Variants in FAM228B observed in about 807,000 individuals in gnomAD.
FAM228B encodes family with sequence similarity 228 member B.
FAM228B carries 38 observed loss-of-function variants against 42.6 expected under a neutral mutation model. The ratio of observed to expected loss-of-function variants is 0.89; its 90% CI spans 0.69 to 1.17. The LOEUF is 1.17. Among genes scored for constraint, FAM228B ranks in the 50% most tolerant of loss-of-function variants. FAM228B has a pLI of 0.00. For synonymous variants in FAM228B, 109 were observed against 122.3 expected (o/e 0.89, Z 0.72); for missense variants, 344 against 367.3 (o/e 0.94, Z 0.52).
upstream of FAM228B, among the ~76,000 whole-genome samples, chr2:24,120,758 T>C (rs1666086399): frequency 6.6e-6 from 1 of 152,138 alleles, no homozygotes; most frequent in Non-Finnish European, 1.5e-5. Context: ...TTTCACCATG[T>C]TAGCTAGGCT....
At chr2:24,119,368 G>C (rs1207397904), upstream of FAM228B, among the ~76,000 whole-genome samples, 1 of 152,224 alleles carries the variant, frequency 6.6e-6, no homozygotes, top group African/African-American at 2.4e-5. Context: ...AGTCAAGACA[G>C]AATCCTAGCA....
At chr2:24,107,844 C>T (rs919257920) in intron 3 of FAM228B, among the ~76,000 whole-genome samples, 4 of 152,092 alleles carry the variant, frequency 2.6e-5, no homozygotes, top group Non-Finnish European at 5.9e-5. Context: ...AATTAACAAC[C>T]TAATATTACA....
intron 1 of FAM228B, among the ~76,000 whole-genome samples, chr2:24,078,317 C>G (rs1188780346): frequency 6.6e-6 from 1 of 152,018 alleles, no homozygotes; most frequent in Non-Finnish European, 1.5e-5. Context: ...GGCCGAATCA[C>G]TTGAGCCTGG....
chr2:24,098,651 A>G (rs1413965680), intron 3 of FAM228B, among the ~76,000 whole-genome samples: 2 of 152,228 alleles, frequency 1.3e-5, no homozygotes, highest in Non-Finnish European at 2.9e-5. Flanking sequence ...TAGCCTACCA[A>G]CCAAAAAAAG....
chr2:24,102,462 G>A (rs1665625758), intron 3 of FAM228B, among the ~76,000 whole-genome samples: 1 of 152,198 alleles, frequency 6.6e-6, no homozygotes, highest in Non-Finnish European at 1.5e-5. Context: ...TTCAGGCTGG[G>A]AGTGGTGGCT....
chr2:24,148,691 A>G (rs1666952410), intron 7 of FAM228B, among the ~76,000 whole-genome samples: 1 of 152,216 alleles, frequency 6.6e-6, no homozygotes, highest in Admixed American at 6.5e-5. Context: ...TGAGGTATCC[A>G]TCCCCTCAAT....
chr2:24,166,058 T>TATATATATAC (rs1558397308), intron 9 of FAM228B: 5 of 130,744 alleles, frequency 3.8e-5, no homozygotes, highest in African/African-American at 1.1e-4. Flanking sequence ...AAAAAAAATA[T>TATATATATAC]ATATATATAT....
upstream of FAM228B, chr2:24,122,366 G>T: frequency 3.1e-6 from 4 of 1,280,704 alleles, no homozygotes; most frequent in Non-Finnish European, 4.5e-6. Context: ...TTTTTTGGAA[G>T]AATAGAAATA....
intron 3 of FAM228B, among the ~76,000 whole-genome samples, chr2:24,103,760 T>C (rs1290322274): frequency 6.6e-6 from 1 of 152,182 alleles, no homozygotes; most frequent in African/African-American, 2.4e-5. Context: ...CAGGTCAGAC[T>C]CCCTGCCTGT....
chr2:24,083,180 T>A (rs1203630210), intron 2 of FAM228B: 1 of 1,564,768 alleles, frequency 6.4e-7, no homozygotes, highest in South Asian at 1.2e-5. Flanking sequence ...CACTAAGTGG[T>A]GAGCATGATC....
chr2:24,129,976 C>T (rs1558383868), intron 2 of FAM228B, among the ~76,000 whole-genome samples: 2 of 152,122 alleles, frequency 1.3e-5, no homozygotes, highest in East Asian at 1.9e-4. Context: ...CCCCAGCCCT[C>T]GACTGGCCCT....
intron 3 of FAM228B, among the ~76,000 whole-genome samples, chr2:24,135,961 C>T: frequency 1.6e-5 from 2 of 125,536 alleles, no homozygotes; most frequent in Non-Finnish European, 1.7e-5. Flanking sequence ...TTCTGAAGGT[C>T]AGTTATAGTG....
At chr2:24,106,931 C>G (rs1032599538) in intron 3 of FAM228B, among the ~76,000 whole-genome samples, 3 of 152,072 alleles carry the variant, frequency 2.0e-5, no homozygotes, top group Admixed American at 6.6e-5. Flanking sequence ...CATATCAATA[C>G]TAACCTTGAA....
At chr2:24,127,939 G>A (rs924616623) in intron 2 of FAM228B, among the ~76,000 whole-genome samples, 23 of 150,892 alleles carry the variant, frequency 1.5e-4, no homozygotes, top group Admixed American at 9.2e-4. Context: ...ATGGAATTAC[G>A]GGCATGAGTC....
At chr2:24,135,610 G>A (rs1304230683) in intron 3 of FAM228B, among the ~76,000 whole-genome samples, 1 of 152,146 alleles carries the variant, frequency 6.6e-6, no homozygotes, top group Non-Finnish European at 1.5e-5. Context: ...CAGGGACACT[G>A]GAGTGGGTAA....
In FAM228B at chr2:24,084,083, G is replaced by T; in HGVS notation, c.-210+3128G>T. ...GAAGCCCCAGCGCAGCTGCCTGCTG[G>T]GTGTGGAGCGGTGCACGCCTTCACG... On this transcript the variant is annotated intron_variant, in intron 2 of 10. Coordinates refer to the FAM228B transcript ENST00000613899. This position sits in a 1 kb window ranked among gnomAD's most constrained non-coding sequence, Gnocchi z 8.4. The T allele has an allele frequency of 1.4e-6, 2 of 1,440,652 alleles. No homozygotes were observed. Among genetic ancestry groups the T allele is most frequent in the South Asian group, 1.4e-5 (1 of 70,508 alleles). 89.2% of individuals were successfully genotyped at this position (1,440,652 alleles called of 1,614,324 possible).
At position 24,080,702 on chromosome 2, in the gene FAM228B, C is replaced by G; in HGVS notation, c.-289-174C>G. On this transcript the variant is annotated intron_variant, in intron 1 of 10. Coordinates refer to the FAM228B transcript ENST00000613899. This position sits in a 1 kb window ranked among gnomAD's most constrained non-coding sequence, Gnocchi z 4.7. ...TAGTACTAGAATTTGGCCAGGGCAG[C>G]TGTTGTGCACTTAGCAGAGGTAAGA... The G allele has an allele frequency of 1.6e-6, 2 of 1,246,582 alleles. No homozygotes were observed. Among genetic ancestry groups the G allele is most frequent in the Non-Finnish European group, 2.3e-6 (2 of 871,404 alleles). 77.2% of individuals were successfully genotyped at this position (1,246,582 alleles called of 1,614,324 possible). A position where few individuals can be genotyped will look rare whatever the true frequency, so the allele number is the denominator to read the frequency against.
chr2:24,140,931 T>C (rs1260274388), intron 5 of FAM228B, among the ~76,000 whole-genome samples: 1 of 149,678 alleles, frequency 6.7e-6, no homozygotes, highest in Non-Finnish European at 1.5e-5. Flanking sequence ...GTCACTGCAC[T>C]CCAGCCTGGG....
intron 7 of FAM228B, 29 bp from the exon 8 acceptor site, chr2:24,161,477 A>T: frequency 1.5e-6 from 2 of 1,301,176 alleles, no homozygotes; most frequent in African/African-American, 1.5e-5. Context: ...GAACAAAAAA[A>T]CCTTCTCACA....
Sources: allele counts gnomAD v4.1 joint callset (sites outside exome capture counted in the v4.1 genomes callset), GRCh38; gene constraint gnomAD v4.1.1; non-coding constraint Gnocchi (gnomAD v3.1); transcripts MANE v1.5; gene names NCBI Gene and HGNC (gene_info 2026-07-23, HGNC 2026-07-21).